Variants in HSPD1 observed in about 807,000 individuals in gnomAD.
The protein encoded by HSPD1 is heat shock protein family D (Hsp60) member 1, also known as 60 kDa heat shock protein, mitochondrial.
In HSPD1, 3 loss-of-function variants were observed where a neutral mutation model predicts 53.0. The observed-to-expected ratio is 0.06, with a 90% CI of 0.03 to 0.15. The LOEUF (loss-of-function observed/expected upper bound fraction) is 0.15, where lower values mean the gene tolerates loss of function less well. HSPD1 is among the 10% of genes least tolerant of loss of function. The pLI is 1.00. For missense variants in HSPD1, 431 were observed against 694.1 expected (o/e 0.62, Z 4.26); for synonymous variants, 200 against 228.0 (o/e 0.88, Z 1.10).
chr2:197,493,832 G>A (rs1456183418), intron 6 of HSPD1, among the ~76,000 whole-genome samples: 1 of 152,176 alleles, frequency 6.6e-6, no homozygotes, highest in Non-Finnish European at 1.5e-5. Flanking sequence ...CAGGCACAGA[G>A]CCTCATACCT....
chr2:197,496,372 C>T (rs542412074), intron 3 of HSPD1, among the ~76,000 whole-genome samples: 3 of 152,108 alleles, frequency 2.0e-5, no homozygotes, highest in Non-Finnish European at 4.4e-5. Context: ...CCCATAAACA[C>T]TGAAATAGAT....
chr2:197,490,287 A>G lies in HSPD1; in HGVS notation c.879T>C (p.Val293=). Residue 293 remains valine, a synonymous_variant, in exon 8 of 12, where the codon GTT becomes GTC. Coordinates refer to ENST00000388968, the MANE Select transcript of HSPD1 (RefSeq NM_002156.5). ...CCTTGACTGCCACAACCTGAAGACC[A>G]ACCTTTAGCCTGTTAAGAATAGTTG... The part of the protein sequence containing the change: ...LSTLVLNRLK[V]GLQVVAVKAP... The G allele has an allele frequency of 6.2e-7, 1 of 1,613,006 alleles. No individual in the cohort carries two copies. The highest frequency in any genetic ancestry group is 8.5e-7 in the Non-Finnish European group (1 of 1,178,974).
upstream of HSPD1, chr2:197,500,218 CT>C (rs1223432684): frequency 1.1e-5 from 7 of 615,060 alleles, no homozygotes; most frequent in Admixed American, 3.0e-5. Flanking sequence ...GCCTCCGAGT[CT>C]TCGCGTCAGC....
In HSPD1 at chr2:197,487,900, A is replaced by G. The variant is rs1328283841; in HGVS notation, c.1527T>C (p.Asp509=). Residue 509 remains aspartate (D), a synonymous_variant, in exon 11 of 12, where the codon GAT becomes GAC. Coordinates refer to ENST00000388968, the MANE Select transcript of HSPD1 (RefSeq NM_002156.5). ...TTCCTTTTTCCACCATATTCACAAA[A>G]TCTCCAGCCATAGCATCATAACCAA... ...SEVGYDAMAG[D]FVNMVEKGII... The G allele has an allele frequency of 6.2e-7, 1 of 1,613,862 alleles. No individual in the cohort carries two copies. Among genetic ancestry groups the G allele is most frequent in the East Asian group, 2.2e-5 (1 of 44,854 alleles).
rs2086194487 is a variant in HSPD1, at chr2:197,498,765, T to C, written c.84A>G (p.Lys28=). 1.2e-6 allele frequency: 2 copies of C among 1,614,226 alleles called. No individual in the cohort carries two copies. Among genetic ancestry groups the C allele is most frequent in the South Asian group, 2.2e-5 (2 of 91,088 alleles). The part of the protein sequence containing the change: ...LAPHLTRAYA[K]DVKFGADARA... Reference sequence around the variant, plus strand: ...GGGCATCTGCACCAAATTTTACATCTTTGGCATAAGCCCGAGTGAGATGAG... The same window carrying C: ...GGGCATCTGCACCAAATTTTACATCCTTGGCATAAGCCCGAGTGAGATGAG... The change falls in exon 2 of 12, where the codon AAA becomes AAG. Residue 28 remains lysine, a synonymous_variant. Transcript: ENST00000388968.
chr2:197,494,395 C>A, intron 5 of HSPD1, 145 bp from the exon 6 acceptor site: 1 of 655,420 alleles, frequency 1.5e-6, no homozygotes, highest in South Asian at 1.7e-5. Flanking sequence ...AATTACACTT[C>A]TGCAAAAAAT....
In HSPD1 at chr2:197,494,119, T is replaced by TA. The variant is rs770399331; in HGVS notation, c.700+37dup. 19 of 972,954 alleles carry TA rather than the reference T, an allele frequency of 2.0e-5. No individual in the cohort carries two copies. In the East Asian group the frequency reaches 4.6e-4, roughly 24 times the overall value. 60.3% of individuals were successfully genotyped at this position (972,954 alleles called of 1,614,324 possible). ...GAGAATGAGACTCTGTCTAAAATAA[T>TA]AAAAATAATAATAATTCAGTTATTG... is the stretch of plus-strand genomic sequence containing the variant. On this transcript the variant is annotated intron_variant, in intron 6 of 11. Coordinates refer to ENST00000388968, the MANE Select transcript of HSPD1 (RefSeq NM_002156.5).
At chr2:197,488,850 G>A (rs906896221) in intron 9 of HSPD1, 152 bp downstream of exon 9, 26 of 917,886 alleles carry the variant, frequency 2.8e-5, no homozygotes, top group East Asian at 2.2e-4. Flanking sequence ...CCTGGGTGAC[G>A]AAGAGCTCAA....
In HSPD1 at chr2:197,493,435, C is replaced by G. The variant is rs750589186; in HGVS notation, c.758G>C (p.Ser253Thr). 3 of 1,613,174 alleles carry G rather than the reference C, an allele frequency of 1.9e-6. No individual in the cohort carries two copies. The South Asian group carries it at 3.3e-5, about 18-fold the overall frequency. The part of the protein sequence containing the change: ...YVLLSEKKIS[S>T]IQSIVPALEI... ...AAGAGCAGGTACAATGGACTGGATA[C>G]TAGAAATTTTCTTTTCACTCAACAG... The change falls in exon 7 of 12, where the codon AGT becomes ACT. Residue 253 changes from serine to threonine, a missense_variant. Around this residue, in one of 2 missense-constraint regions of HSPD1, gnomAD observed 386 missense variants for 657.6 expected, o/e 0.59. Transcript: ENST00000388968.
At chr2:197,499,731 C>T (rs2086218386) in intron 1 of HSPD1, 51 bp downstream of exon 1, 1 of 152,224 alleles carries the variant, frequency 6.6e-6, no homozygotes, top group Admixed American at 6.5e-5. Context: ...GAGGAAGGCC[C>T]ACTCGGGGGT....
In HSPD1 at chr2:197,497,294, T is replaced by C. The variant is rs8539; in HGVS notation, c.273A>G (p.Lys91=). 0.67 allele frequency: 1,074,363 copies of C among 1,612,620 alleles called. 360,608 individuals are homozygous for C. Among genetic ancestry groups the C allele is most frequent in the Middle Eastern group, 0.84 (5,099 of 6,056 alleles). ...AKSIDLKDKY[K]NIGAKLVQDV... ...CTTGAACAAGTTTAGCTCCAATGTT[T>C]TTGTATTTATCTTTTAAGTCAATTG... Residue 91 remains lysine, a synonymous_variant, in exon 3 of 12, where the codon AAA becomes AAG. Coordinates refer to ENST00000388968, the MANE Select transcript of HSPD1 (RefSeq NM_002156.5).
Position 197,497,331 on chromosome 2 carries a change from G to A in HSPD1, c.236C>T (p.Thr79Ile). The change falls in exon 3 of 12, where the codon ACT becomes ATT. Residue 79 changes from threonine (T) to isoleucine (I), a missense_variant. Transcript: ENST00000388968. Reference sequence around the variant, plus strand: ...TTTTAAGTCAATTGACTTTGCAACAGTCACACCATCTTTTGTTACTTTGGG... The same window carrying A: ...TTTTAAGTCAATTGACTTTGCAACAATCACACCATCTTTTGTTACTTTGGG... ...GSPKVTKDGV[T>I]VAKSIDLKDK... is the part of the protein sequence containing the mutation. 3 of 1,612,860 alleles carry A rather than the reference G, an allele frequency of 1.9e-6. No individual in the cohort carries two copies. The highest frequency in any genetic ancestry group is 2.2e-5 in the East Asian group (1 of 44,888).
chr2:197,492,036 A>G (rs1445643125), intron 7 of HSPD1, among the ~76,000 whole-genome samples: 1 of 152,252 alleles, frequency 6.6e-6, no homozygotes, highest in African/African-American at 2.4e-5. Flanking sequence ...GCAAGTGTGT[A>G]GTCCCAGCTA....
chr2:197,488,597 G>C, intron 9 of HSPD1, 106 bp from the exon 10 acceptor site: 15 of 1,024,538 alleles, frequency 1.5e-5, no homozygotes, highest in Non-Finnish European at 2.2e-5. Flanking sequence ...AGGTGGGCGT[G>C]GTGGCTCACA....
intron 8 of HSPD1, 46 bp from the exon 9 acceptor site, chr2:197,489,293 G>A (rs773701264): frequency 2.5e-6 from 4 of 1,603,006 alleles, no homozygotes; most frequent in Middle Eastern, 3.3e-4. Flanking sequence ...TACAGTTTCT[G>A]CCATTATACC....
At chr2:197,497,003 T>C (rs1176695581) in intron 3 of HSPD1, 137 bp downstream of exon 3, 4 of 879,710 alleles carry the variant, frequency 4.5e-6, no homozygotes, top group Non-Finnish European at 7.4e-6. Context: ...AAACCCAGTT[T>C]AAGATTTCTC....
chr2:197,493,844 T>C (rs556095954), intron 6 of HSPD1, among the ~76,000 whole-genome samples: 2 of 152,066 alleles, frequency 1.3e-5, no homozygotes, highest in Non-Finnish European at 2.9e-5. Flanking sequence ...CTCATACCTA[T>C]AATCCCAGCA....
Position 197,494,713 on chromosome 2 carries a change from T to G in HSPD1, c.550A>C (p.Asn184His). ...ISANGDKEIG[N>H]IISDAMKKVG... ...TTTTTCATTGCATCAGAGATGATAT[T>G]GCCAATTTCTTTGTCTCCGTTTGCA... The change falls in exon 5 of 12, where the codon AAT becomes CAT. Residue 184 changes from asparagine (N) to histidine (H), a missense_variant. Transcript: ENST00000388968. 1 of 1,613,296 alleles carries G rather than the reference T, an allele frequency of 6.2e-7. No individual in the cohort carries two copies. Among genetic ancestry groups the G allele is most frequent in the Non-Finnish European group, 8.5e-7 (1 of 1,179,276 alleles).
chr2:197,499,078 A>T, intron 1 of HSPD1: 1 of 594,114 alleles, frequency 1.7e-6, no homozygotes, highest in Non-Finnish European at 3.0e-6. Flanking sequence ...ACCAGCACAA[A>T]GCACATGCGG....
Sources: allele counts gnomAD v4.1 joint callset (sites outside exome capture counted in the v4.1 genomes callset), GRCh38; gene constraint gnomAD v4.1.1; regional missense constraint gnomAD v4.1.1; transcripts MANE v1.5; gene names NCBI Gene and HGNC (gene_info 2026-07-23, HGNC 2026-07-21).